Variants in OTP observed in about 807,000 individuals in gnomAD.
OTP encodes orthopedia homeobox.
In OTP, 5 loss-of-function variants were observed where a neutral mutation model predicts 22.3. That is an observed-to-expected ratio of 0.22 (90% CI 0.12 to 0.47). The LOEUF (loss-of-function observed/expected upper bound fraction) is 0.47, where lower values mean the gene tolerates loss of function less well. Ranked by LOEUF, OTP falls within the 20% of genes least tolerant of loss-of-function variation. The pLI, the probability that OTP is intolerant of heterozygous loss-of-function variation, is 0.99. For missense variants in OTP, 428 were observed against 456.2 expected, an observed-to-expected ratio of 0.94 and a Z score of 0.56; for synonymous variants, 229 against 210.6, an observed-to-expected ratio of 1.09 and a Z score of -0.76.
At chr5:77,635,291 G>A (rs1455380074) in intron 2 of OTP, among the ~76,000 whole-genome samples, 1 of 152,128 alleles carries the variant, frequency 6.6e-6, no homozygotes, top group Admixed American at 6.5e-5. Flanking sequence ...TATTGAAATT[G>A]TATATTTATG....
chr5:77,633,159 G>T (rs1269264022), intron 2 of OTP, among the ~76,000 whole-genome samples: 1 of 152,112 alleles, frequency 6.6e-6, no homozygotes, highest in African/African-American at 2.4e-5. Context: ...AGAAAGAGGG[G>T]GAGGATTGCC....
At chr5:77,635,462 C>T (rs147460730) in intron 2 of OTP, among the ~76,000 whole-genome samples, 21 of 152,264 alleles carry the variant, frequency 1.4e-4, no homozygotes, top group African/African-American at 4.8e-4. Context: ...ACCACCCAGA[C>T]TTATATTGTA....
At chr5:77,635,249 C>T (rs779254098) in intron 2 of OTP, among the ~76,000 whole-genome samples, 30 of 152,140 alleles carry the variant, frequency 2.0e-4, no homozygotes, top group Non-Finnish European at 4.4e-4. Context: ...ATTGAACCTA[C>T]AAGCAAGCAC....
At chr5:77,630,836 C>T (rs1744919047) in intron 2 of OTP, 42 bp from the exon 3 acceptor site, 3 of 1,483,374 alleles carry the variant, frequency 2.0e-6, no homozygotes, top group East Asian at 4.9e-5. Context: ...AGCTATTAGC[C>T]GGCCCGGCGG....
At chr5:77,631,213 A>G (rs1053611749) in intron 2 of OTP, among the ~76,000 whole-genome samples, 9 of 152,290 alleles carry the variant, frequency 5.9e-5, no homozygotes, top group Admixed American at 1.3e-4. Flanking sequence ...AGCATGCCTT[A>G]TAACACTGAT....
chr5:77,629,650 C>T lies in OTP; in HGVS notation c.*614G>A, dbSNP rs1208600704. ...CGTGTGTGACCTAGGTGCACCGTGT[C>T]TGTGCGCGCGCGTGTGTAGCGTCTG... is the stretch of plus-strand genomic sequence containing the variant. On this transcript the variant is annotated 3_prime_UTR_variant, in exon 3 of 3. Coordinates refer to ENST00000306422, the MANE Select transcript of OTP (RefSeq NM_032109.3). 1 of 152,946 alleles carries T rather than the reference C, an allele frequency of 6.5e-6. No homozygotes were observed. The highest frequency in any genetic ancestry group is 1.5e-5 in the Non-Finnish European group (1 of 68,296). The allele number at this position is 152,946 out of a possible 1,614,324, so 9.5% of individuals were successfully genotyped here.
intron 2 of OTP, among the ~76,000 whole-genome samples, chr5:77,631,086 C>T (rs1364896856): frequency 6.6e-6 from 1 of 152,266 alleles, no homozygotes. Context: ...GCAGTCTTCA[C>T]CACGCCCCTG....
Position 77,638,674 on chromosome 5 carries a change from T to A in OTP, c.-125A>T. On this transcript the variant is annotated 5_prime_UTR_variant, in exon 1 of 3. Transcript: ENST00000306422. Reference sequence around the variant, plus strand: ...TATAGATCACCTAAATGAAAGAAAATTCGGTTTGTGGTTAAAAAGGGGGCT... The same window carrying A: ...TATAGATCACCTAAATGAAAGAAAAATCGGTTTGTGGTTAAAAAGGGGGCT... 1.7e-5 allele frequency: 16 copies of A among 968,828 alleles called. No individual in the cohort carries two copies. The highest frequency in any genetic ancestry group is 2.3e-5 in the Non-Finnish European group (16 of 697,252). The allele number at this position is 968,828 out of a possible 1,614,324, so 60.0% of individuals were successfully genotyped here.
rs1326800608 is a variant in OTP, at chr5:77,630,676, G to A, written c.566C>T (p.Ala189Val). The A allele has an allele frequency of 6.3e-7, 1 of 1,579,548 alleles. No individual in the cohort carries two copies. Among genetic ancestry groups the A allele is most frequent in the Middle Eastern group, 1.7e-4 (1 of 6,010 alleles). ...GTCGCCCATGGCGGCGGCAGCGGCG[G>A]CGGCAGCCGACGGGAACTGAGGCAG... ...PGLPQFPSAA[A>V]AAAAAMGDSL... The change falls in exon 3 of 3, where the codon GCC (alanine) becomes GTC (valine). Residue 189 changes from alanine to valine, a missense_variant. Transcript: ENST00000306422.
At chr5:77,637,353 A>G in intron 1 of OTP, 123 bp from the exon 2 acceptor site, 1 of 1,146,200 alleles carries the variant, frequency 8.7e-7, no homozygotes, top group Non-Finnish European at 1.2e-6. Context: ...GTCCTAAGGA[A>G]GAAACTCCCA....
chr5:77,630,897 C>T lies in OTP; in HGVS notation c.448-103G>A, dbSNP rs1580062256. On this transcript the variant is annotated intron_variant, in intron 2 of 2. Transcript: ENST00000306422. ...GAAACCCGCCTCGGATACAGCCGCT[C>T]TGCCCTGGGAGGAACAAGTGCCGTA... The T allele has an allele frequency of 1.2e-5, 15 of 1,280,570 alleles. No homozygotes were observed. The South Asian group carries it at 2.3e-4, about 20-fold the overall frequency. The allele number at this position is 1,280,570 out of a possible 1,614,324, so 79.3% of individuals were successfully genotyped here. A position where few individuals can be genotyped will look rare whatever the true frequency, so the allele number is the denominator to read the frequency against.
At chr5:77,637,364 G>GCTGAATACCCTGGGA in intron 1 of OTP, 134 bp from the exon 2 acceptor site, 1 of 1,084,766 alleles carries the variant, frequency 9.2e-7, no homozygotes, top group Non-Finnish European at 1.3e-6. Context: ...GAAACTCCCA[G>GCTGAATACCCTGGGA]GGTATTCAGC....
intron 2 of OTP, among the ~76,000 whole-genome samples, chr5:77,631,670 T>G (rs532174634): frequency 1.4e-5 from 2 of 145,398 alleles, no homozygotes; most frequent in South Asian, 4.6e-4. Context: ...GCTGAAGCAA[T>G]TCTCCTGCCT....
intron 2 of OTP, among the ~76,000 whole-genome samples, chr5:77,631,928 C>A (rs1744937761): frequency 6.6e-6 from 1 of 152,136 alleles, no homozygotes; most frequent in Admixed American, 6.5e-5. Context: ...TCCCTCAAGT[C>A]GCCCCCATTT....
rs776818512 is a variant in OTP at position 77,630,257 on chromosome 5, G to A, written c.*7C>T. 2.6e-6 allele frequency: 4 copies of A among 1,509,644 alleles called. No individual in the cohort carries two copies. In the South Asian group the frequency reaches 3.7e-5, roughly 14 times the overall value. The allele number at this position is 1,509,644 out of a possible 1,614,324, so 93.5% of individuals were successfully genotyped here. On this transcript the variant is annotated 3_prime_UTR_variant, in exon 3 of 3. Coordinates refer to ENST00000306422, the MANE Select transcript of OTP (RefSeq NM_032109.3). ...CTGGGGGCGGAGCGGGCCGGGGCGC[G>A]GCTGCATTAAGTGAAGCTCATAGAG...
In OTP at chr5:77,630,442, T is replaced by G. The variant is rs1310863934; in HGVS notation, c.800A>C (p.His267Pro). The G allele has an allele frequency of 6.3e-7, 1 of 1,580,110 alleles. No individual in the cohort carries two copies. Among genetic ancestry groups the G allele is most frequent in the South Asian group, 1.2e-5 (1 of 86,852 alleles). ...AGSNGAGLQS[H>P]LYQPAFPGMV... is the part of the protein sequence containing the mutation. ...GCCGGGGAAGGCGGGCTGGTAGAGG[T>G]GCGACTGCAGCCCCGCGCCGTTGGA... Residue 267 changes from histidine (H) to proline (P), a missense_variant, in exon 3 of 3, where the codon CAC becomes CCC. By Grantham distance (77) the His-to-Pro change is moderately conservative. This residue lies in a region of OTP where 236 missense variants were observed against 238.1 expected (regional missense o/e 0.99). Transcript: ENST00000306422.
chr5:77,630,271 A>C lies in OTP; in HGVS notation c.971T>G (p.Phe324Cys). The change falls in exon 3 of 3, where the codon TTC becomes TGC. Residue 324 changes from phenylalanine (F) to cysteine (C), a missense_variant. Around this residue, in one of 3 missense-constraint regions of OTP, gnomAD observed 236 missense variants for 238.1 expected, o/e 0.99. Coordinates refer to ENST00000306422, the MANE Select transcript of OTP (RefSeq NM_032109.3). ...GGCCGGGGCGCGGCTGCATTAAGTG[A>C]AGCTCATAGAGACTGTGTGCTCTAG... is the stretch of plus-strand genomic sequence containing the variant. ...KALEHTVSMSFT is the reference protein window; with the variant it reads ...KALEHTVSMSCT 3 of 1,533,356 alleles carry C rather than the reference A, an allele frequency of 2.0e-6. No homozygotes were observed. Among genetic ancestry groups the C allele is most frequent in the African/African-American group, 1.4e-5 (1 of 70,478 alleles). The allele number at this position is 1,533,356 out of a possible 1,614,324, so 95.0% of individuals were successfully genotyped here.
chr5:77,637,297 G>T, intron 1 of OTP, 67 bp from the exon 2 acceptor site: 5 of 1,443,246 alleles, frequency 3.5e-6, no homozygotes, highest in Middle Eastern at 2.6e-4. Flanking sequence ...TCTTCCCCGC[G>T]CAGCCTTCCT....
chr5:77,635,627 C>T (rs78963177), intron 2 of OTP, among the ~76,000 whole-genome samples: 4,802 of 152,302 alleles, frequency 0.032, 248 homozygotes, highest in African/African-American at 0.11. Context: ...AAACATTCAA[C>T]GCTGTGATTA....
Sources: allele counts gnomAD v4.1 joint callset (sites outside exome capture counted in the v4.1 genomes callset), GRCh38; gene constraint gnomAD v4.1.1; regional missense constraint gnomAD v4.1.1; transcripts MANE v1.5; gene names NCBI Gene and HGNC (gene_info 2026-07-23, HGNC 2026-07-21).